Variants in ARHGEF2 observed in about 807,000 individuals in gnomAD.
ARHGEF2 encodes Rho/Rac guanine nucleotide exchange factor 2.
Under a neutral mutation model 121.0 loss-of-function variants are expected in ARHGEF2, and 22 were observed. The ratio of observed to expected loss-of-function variants is 0.18; its 90% CI spans 0.13 to 0.26. The LOEUF (loss-of-function observed/expected upper bound fraction) is 0.26, where lower values mean the gene tolerates loss of function less well. Ranked by LOEUF, ARHGEF2 falls within the 10% of genes least tolerant of loss-of-function variation. The pLI is 1.00. For synonymous variants in ARHGEF2, 487 were observed against 530.0 expected (o/e 0.92, Z 1.11); for missense variants, 907 against 1,336.0 (o/e 0.68, Z 5.01).
rs1676997777 is a variant in ARHGEF2, at chr1:155,957,769, T to G, written c.1659A>C (p.Thr553=). ...AGGTGCTCCGGTCATCCCGGGATGC[T>G]GTGTGCACCTCGTACATCTCAGGTG... ...AAPPEMYEVH[T]ASRDDRSTWI... Residue 553 remains threonine, a synonymous_variant, in exon 13 of 22, where the codon ACA becomes ACC. Coordinates refer to ENST00000361247, the MANE Select transcript of ARHGEF2 (RefSeq NM_001162383.2). 6.2e-7 allele frequency: 1 copy of G among 1,614,188 alleles called. No homozygotes were observed. The highest frequency in any genetic ancestry group is 1.3e-5 in the African/African-American group (1 of 75,054).
rs1422075814 is a variant in ARHGEF2, at chr1:155,965,928, T to C, written c.341-168A>G. ...GCCACCTTACATTTGTGCCATACTC[T>C]AATGTTCACAAAGAGCTTTTTCTTA... On this transcript the variant is annotated intron_variant, in intron 4 of 21. Transcript: ENST00000361247. The surrounding 1 kb of genome is among the most constrained non-coding windows in gnomAD (Gnocchi z 6.0). Among the ~76,000 whole-genome samples the C allele has an allele frequency of 6.6e-6, 1 of 152,172 alleles. No individual in the cohort carries two copies. Among genetic ancestry groups the C allele is most frequent in the East Asian group, 1.9e-4 (1 of 5,200 alleles).
At position 155,969,295 on chromosome 1, in the gene ARHGEF2, C is replaced by T; in HGVS notation, c.69G>A (p.Arg23=). ...DRSRELASKT[R]EKEKMKEAKD... ...TGGCTTCCTTCATCTTCTCCTTTTCCCGGGTCTGTGGAAGGGATGAGAGGG... is the reference window on the plus strand; with the variant it reads ...TGGCTTCCTTCATCTTCTCCTTTTCTCGGGTCTGTGGAAGGGATGAGAGGG... The change falls in exon 2 of 22, where the codon CGG becomes CGA. Residue 23 remains arginine, a synonymous_variant. Coordinates refer to ENST00000361247, the MANE Select transcript of ARHGEF2 (RefSeq NM_001162383.2). 1 of 1,614,000 alleles carries T rather than the reference C, an allele frequency of 6.2e-7. No homozygotes were observed. The highest frequency in any genetic ancestry group is 8.5e-7 in the Non-Finnish European group (1 of 1,179,996).
rs371256873 is a variant in ARHGEF2 at position 155,969,318 on chromosome 1, G to C, written c.64-18C>G. On this transcript the variant is annotated intron_variant, in intron 1 of 21. Coordinates refer to ENST00000361247, the MANE Select transcript of ARHGEF2 (RefSeq NM_001162383.2). Reference sequence around the variant, plus strand: ...TCCCGGGTCTGTGGAAGGGATGAGAGGGAGAGGAAGTGAGGCTGGAAAATG... The same window carrying C: ...TCCCGGGTCTGTGGAAGGGATGAGACGGAGAGGAAGTGAGGCTGGAAAATG... 1.4e-4 allele frequency: 232 copies of C among 1,613,104 alleles called. No individual in the cohort carries two copies. Among genetic ancestry groups the C allele is most frequent in the Non-Finnish European group, 1.2e-4 (142 of 1,179,572 alleles).
intron 2 of ARHGEF2, 35 bp downstream of exon 2, chr1:155,969,121 G>A (rs767017794): frequency 1.6e-5 from 26 of 1,611,510 alleles, no homozygotes; most frequent in Non-Finnish European, 1.9e-5. Flanking sequence ...AGTGGGCACC[G>A]AGTCTGGGTG....
At chr1:155,964,762 A>G (rs1385135303) in intron 7 of ARHGEF2, among the ~76,000 whole-genome samples, 4 of 152,098 alleles carry the variant, frequency 2.6e-5, no homozygotes, top group African/African-American at 9.7e-5. Flanking sequence ...TCTACTAAAA[A>G]TGCAAAACTT....
chr1:155,951,590 A>G lies in ARHGEF2; in HGVS notation c.2209-57T>C. 6.2e-7 allele frequency: 1 copy of G among 1,612,664 alleles called. No individual in the cohort carries two copies. Among genetic ancestry groups the G allele is most frequent in the South Asian group, 1.1e-5 (1 of 91,060 alleles). On this transcript the variant is annotated intron_variant, in intron 18 of 21. Transcript: ENST00000361247. This position sits in a 1 kb window ranked among gnomAD's most constrained non-coding sequence, Gnocchi z 5.1. ...AGCTTTAGGATGGGAGAACTGCCCA[A>G]AAGTTGAACAAGGGTGGGTGTGGGG...
rs771659036 is a variant in ARHGEF2, at chr1:155,950,913, G to A, written c.2619C>T (p.Ala873=). 1.4e-5 allele frequency: 23 copies of A among 1,600,248 alleles called. No individual in the cohort carries two copies. The South Asian group carries it at 2.3e-4, about 16-fold the overall frequency. Residue 873 remains alanine, a synonymous_variant, in exon 20 of 22, where the codon GCC becomes GCT. Transcript: ENST00000361247. This position sits in a 1 kb window ranked among gnomAD's most constrained non-coding sequence, Gnocchi z 5.2. ...GATCCACAGGTCTGCGGGCCCAGGGGGCCTCAGCTGGGAGTGGCTCGGTCT... is the reference window on the plus strand; with the variant it reads ...GATCCACAGGTCTGCGGGCCCAGGGAGCCTCAGCTGGGAGTGGCTCGGTCT... ...LGQTEPLPAE[A]PWARRPVDPR...
At chr1:155,958,513 C>T (rs1350579951) in intron 11 of ARHGEF2, 117 bp from the exon 12 acceptor site, 7 of 718,474 alleles carry the variant, frequency 9.7e-6, no homozygotes, top group Non-Finnish European at 1.7e-5. Flanking sequence ...TTCCCTCTTC[C>T]TGGCCTCTCT....
At chr1:155,964,161 AAAAAAAATATATATATAT>A (rs1678667319) in intron 7 of ARHGEF2, among the ~76,000 whole-genome samples, 2 of 57,248 alleles carry the variant, frequency 3.5e-5, no homozygotes, top group East Asian at 3.5e-4. Context: ...AAAAAAAAAA[AAAAAAAATATATATATAT>A]ATATATATAT....
chr1:155,978,428 A>G lies in ARHGEF2; in HGVS notation c.-1T>C, dbSNP rs1305926499. Reference sequence around the variant, plus strand: ...GCGTGAGGGATTCGATCCGAGACATAATCGGACGGGGGGACCAGGGAGGAC... The same window carrying G: ...GCGTGAGGGATTCGATCCGAGACATGATCGGACGGGGGGACCAGGGAGGAC... On this transcript the variant is annotated 5_prime_UTR_variant, in exon 1 of 22. Transcript: ENST00000361247. This position sits in a 1 kb window ranked among gnomAD's most constrained non-coding sequence, Gnocchi z 4.1. 8.7e-6 allele frequency: 13 copies of G among 1,499,332 alleles called. No homozygotes were observed. The highest frequency in any genetic ancestry group is 2.5e-5 in the South Asian group (2 of 80,648). The allele number at this position is 1,499,332 out of a possible 1,614,324, so 92.9% of individuals were successfully genotyped here. A position where few individuals can be genotyped will look rare whatever the true frequency, so the allele number is the denominator to read the frequency against.
At chr1:155,979,434 C>G (rs1572225537), upstream of ARHGEF2, 1 of 685,874 alleles carries the variant, frequency 1.5e-6, no homozygotes, top group Non-Finnish European at 1.8e-6. Context: ...GACCCTTTTC[C>G]CCAGCCTGAG....
At chr1:155,978,553 G>T (rs1437495288), upstream of ARHGEF2, 3 of 1,268,164 alleles carry the variant, frequency 2.4e-6, no homozygotes, top group Non-Finnish European at 2.0e-6. The surrounding 1 kb of genome is among the most constrained non-coding windows in gnomAD (Gnocchi z 4.1). Context: ...GACTCCCCTC[G>T]CCCGGCACCC....
intron 1 of ARHGEF2, chr1:155,972,184 T>C: frequency 2.2e-6 from 1 of 444,708 alleles, no homozygotes; most frequent in Non-Finnish European, 4.7e-6. Context: ...GCCCTTCCTC[T>C]CTCTGGCATC....
intron 7 of ARHGEF2, among the ~76,000 whole-genome samples, chr1:155,963,433 C>G (rs1008256763): frequency 8.0e-5 from 12 of 149,318 alleles, no homozygotes; most frequent in African/African-American, 3.0e-4. Context: ...GCAACCTCCA[C>G]CTCCTAGGTT....
In ARHGEF2 at chr1:155,951,594, T is replaced by C. The variant is rs375797348; in HGVS notation, c.2209-61A>G. The C allele has an allele frequency of 3.2e-5, 51 of 1,612,190 alleles. No homozygotes were observed. The African/African-American group carries it at 5.3e-4, about 17-fold the overall frequency. On this transcript the variant is annotated intron_variant, in intron 18 of 21. Coordinates refer to ENST00000361247, the MANE Select transcript of ARHGEF2 (RefSeq NM_001162383.2). The surrounding 1 kb of genome is among the most constrained non-coding windows in gnomAD (Gnocchi z 5.1). The stretch of plus-strand genomic sequence containing the variant: ...TTAGGATGGGAGAACTGCCCAAAAG[T>C]TGAACAAGGGTGGGTGTGGGGACAG...
rs2102680976 is a variant in ARHGEF2 at position 155,968,880 on chromosome 1, G to C, written c.208+276C>G. On this transcript the variant is annotated intron_variant, in intron 2 of 21. Transcript: ENST00000361247. ...CCCTTAGCAGCTGTTCGGGGAGCAA[G>C]GGGGGTGCCTGGTGGATGACAGCTG... The C allele has an allele frequency of 1.1e-5, 4 of 375,636 alleles. No individual in the cohort carries two copies. In the East Asian group the frequency reaches 2.0e-4, roughly 19 times the overall value. The allele number at this position is 375,636 out of a possible 1,614,324, so 23.3% of individuals were successfully genotyped here. A position where few individuals can be genotyped will look rare whatever the true frequency, so the allele number is the denominator to read the frequency against.
intron 14 of ARHGEF2, among the ~76,000 whole-genome samples, chr1:155,954,306 T>TG (rs1188145418): frequency 8.9e-6 from 1 of 112,940 alleles, no homozygotes; most frequent in African/African-American, 3.0e-5. Context: ...TTTTTTGAGA[T>TG]GGAGTCTCCC....
upstream of ARHGEF2, among the ~76,000 whole-genome samples, chr1:155,979,568 CAG>C (rs1681934431): frequency 6.6e-6 from 1 of 152,248 alleles, no homozygotes; most frequent in African/African-American, 2.4e-5. Context: ...ACCAGAAGCA[CAG>C]AGAGGCCTGG....
chr1:155,951,358 C>T lies in ARHGEF2; in HGVS notation c.2260-86G>A, dbSNP rs755506972. ...CTTCACCCTCCAAGGCCCAGATCAT[C>T]GCTCCTGGAGAGCTTGGATTGGGAG... On this transcript the variant is annotated intron_variant, in intron 19 of 21. Transcript: ENST00000361247. This position sits in a 1 kb window ranked among gnomAD's most constrained non-coding sequence, Gnocchi z 5.1. 2.0e-5 allele frequency: 31 copies of T among 1,565,934 alleles called. 1 individual carries two copies. The highest frequency in any genetic ancestry group is 2.4e-5 in the Non-Finnish European group (27 of 1,146,698).
Sources: gnomAD v4.1 joint callset for allele counts (sites outside exome capture counted in the v4.1 genomes callset) on GRCh38, gnomAD v4.1.1 for gene constraint, Gnocchi (gnomAD v3.1) non-coding constraint, MANE v1.5 for transcripts, NCBI Gene and HGNC (gene_info 2026-07-23, HGNC 2026-07-21) for gene names.